The following DYM variants were observed in gnomAD, a reference collection of about 807,000 sequenced individuals.
DYM encodes the protein dymeclin.
A neutral mutation model predicts 93.1 loss-of-function variants in DYM; 78 were observed. That is an observed-to-expected ratio of 0.84 (90% CI 0.70 to 1.01). The LOEUF is 1.01. Ranked by LOEUF, DYM falls within the 50% of genes least tolerant of loss-of-function variation. DYM has a pLI of 0.00. For missense variants in DYM, 789 were observed against 845.0 expected, an observed-to-expected ratio of 0.93 and a Z score of 0.82; for synonymous variants, 321 against 319.7, an observed-to-expected ratio of 1.00 and a Z score of -0.04.
At chr18:49,301,195 A>G (rs745988536) in intron 8 of DYM, among the ~76,000 whole-genome samples, 4 of 152,184 alleles carry the variant, frequency 2.6e-5, no homozygotes, top group African/African-American at 7.2e-5. Context: ...TGTTAAATAA[A>G]TGTGTATGCC....
intron 5 of DYM, among the ~76,000 whole-genome samples, chr18:49,375,241 C>A (rs1225480066): frequency 7.0e-6 from 1 of 143,812 alleles, no homozygotes; most frequent in Admixed American, 6.9e-5. Context: ...TCTATACCTA[C>A]CTTGGGCTTT....
chr18:49,257,168 ACTATT>A, intron 12 of DYM, 64 bp from the exon 13 acceptor site: 2 of 1,274,374 alleles, frequency 1.6e-6, no homozygotes, highest in Non-Finnish European at 2.3e-6. Flanking sequence ...ACCAAGGTTA[ACTATT>A]AATAGAAGCA....
At chr18:49,206,713 C>G (rs192212934) in intron 14 of DYM, 2 of 152,316 alleles carry the variant, frequency 1.3e-5, no homozygotes, top group Admixed American at 6.5e-5. Flanking sequence ...AGCCCATGCC[C>G]CTAGCCACTA....
intron 13 of DYM, among the ~76,000 whole-genome samples, chr18:49,217,403 A>C (rs1385918200): frequency 6.6e-6 from 1 of 152,076 alleles, no homozygotes; most frequent in Non-Finnish European, 1.5e-5. Flanking sequence ...AATACAGAGA[A>C]CGCCACAAAG....
chr18:49,383,969 G>A (rs1315572307), intron 3 of DYM, among the ~76,000 whole-genome samples: 2 of 152,066 alleles, frequency 1.3e-5, no homozygotes, highest in Admixed American at 1.3e-4. Flanking sequence ...GTAGACAACA[G>A]GAAAATTAAT....
intron 16 of DYM, chr18:49,114,690 T>TGTG: frequency 4.2e-6 from 2 of 473,330 alleles, no homozygotes; most frequent in Non-Finnish European, 5.5e-6. Flanking sequence ...TGTGTGTGTG[T>TGTG]TTAAGAGATG....
intron 17 of DYM, among the ~76,000 whole-genome samples, chr18:49,085,725 G>A (rs1599641017): frequency 6.8e-6 from 1 of 148,002 alleles, no homozygotes; most frequent in Admixed American, 7.0e-5. Flanking sequence ...CTCCTGCCTC[G>A]GCCTCCCAAG....
At chr18:49,097,597 A>G in intron 16 of DYM, 82 bp from the exon 17 acceptor site, 5 of 1,143,836 alleles carry the variant, frequency 4.4e-6, no homozygotes, top group South Asian at 1.3e-5. Flanking sequence ...ATGGTAGTCA[A>G]ACTATCATGA....
At chr18:49,101,849 T>C (rs1438946092) in intron 16 of DYM, among the ~76,000 whole-genome samples, 1 of 152,094 alleles carries the variant, frequency 6.6e-6, no homozygotes, top group Non-Finnish European at 1.5e-5. Flanking sequence ...AAAGACACAG[T>C]GTAATTTGTG....
At chr18:49,415,128 G>A (rs1207308719) in intron 2 of DYM, among the ~76,000 whole-genome samples, 1 of 151,800 alleles carries the variant, frequency 6.6e-6, no homozygotes, top group Non-Finnish European at 1.5e-5. Flanking sequence ...TTTGAGACCA[G>A]CCAGGCCAAC....
At chr18:49,073,101 C>T (rs1401392182) in intron 17 of DYM, among the ~76,000 whole-genome samples, 1 of 152,144 alleles carries the variant, frequency 6.6e-6, no homozygotes, top group Non-Finnish European at 1.5e-5. Flanking sequence ...AACATAGTGA[C>T]TCAATCTCAG....
intron 1 of DYM, among the ~76,000 whole-genome samples, chr18:49,449,043 C>G: frequency 6.6e-6 from 1 of 152,172 alleles, no homozygotes; most frequent in East Asian, 1.9e-4. Context: ...GTTCTTCCAC[C>G]TCCACCATCT....
At chr18:49,263,447 T>C (rs1426486007) in intron 11 of DYM, among the ~76,000 whole-genome samples, 8 of 150,060 alleles carry the variant, frequency 5.3e-5, no homozygotes, top group Non-Finnish European at 1.5e-5. Context: ...AATAAATGTA[T>C]AGGCTGGGCG....
intron 17 of DYM, among the ~76,000 whole-genome samples, chr18:49,095,233 G>C (rs1204285676): frequency 6.6e-6 from 1 of 152,050 alleles, no homozygotes; most frequent in African/African-American, 2.4e-5. Context: ...TTAAACTCTA[G>C]AGATTTTAAG....
intron 3 of DYM, among the ~76,000 whole-genome samples, chr18:49,380,998 C>CTT (rs34916711): frequency 4.7e-5 from 7 of 148,666 alleles, no homozygotes; most frequent in South Asian, 2.1e-4. Context: ...ATTTGAACTT[C>CTT]TTTTTTTTTT....
chr18:49,135,073 G>A (rs1289320843), intron 15 of DYM, among the ~76,000 whole-genome samples: 4 of 151,888 alleles, frequency 2.6e-5, no homozygotes, highest in African/African-American at 7.3e-5. Flanking sequence ...GTGTCACTGC[G>A]ATCCAGCCTG....
At chr18:49,368,508 T>C (rs1474207042) in intron 5 of DYM, 1 of 152,234 alleles carries the variant, frequency 6.6e-6, no homozygotes, top group Non-Finnish European at 1.5e-5. Flanking sequence ...TTGCATTGCT[T>C]ACCTATAACT....
intron 5 of DYM, among the ~76,000 whole-genome samples, chr18:49,377,532 C>T (rs1046360255): frequency 7.2e-5 from 11 of 151,922 alleles, no homozygotes; most frequent in Admixed American, 4.6e-4. Context: ...TGCATTCCAG[C>T]CTGGGCAACA....
At chr18:49,319,562 G>A (rs1313418862) in intron 8 of DYM, among the ~76,000 whole-genome samples, 1 of 152,150 alleles carries the variant, frequency 6.6e-6, no homozygotes, top group Non-Finnish European at 1.5e-5. Context: ...TGGTAAACGA[G>A]TATTTGTTTT....
Sources: gnomAD v4.1 joint callset for allele counts (sites outside exome capture counted in the v4.1 genomes callset) on GRCh38, gnomAD v4.1.1 for gene constraint, MANE v1.5 for transcripts, NCBI Gene and HGNC (gene_info 2026-07-23, HGNC 2026-07-21) for gene names.